The following ACTR3C variants were observed in gnomAD, a reference collection of about 807,000 sequenced individuals.
ACTR3C encodes the protein actin-related protein 3C.
Under a neutral mutation model 26.3 loss-of-function variants are expected in ACTR3C, and 18 were observed. That is an observed-to-expected ratio of 0.68 (90% CI 0.47 to 1.01). ACTR3C has a LOEUF of 1.01. Among genes scored for constraint, ACTR3C ranks in the 50% least tolerant of loss-of-function variants. The pLI is 0.00. For synonymous variants in ACTR3C, 55 were observed against 94.5 expected (o/e 0.58, Z 2.42); for missense variants, 184 against 250.7 (o/e 0.73, Z 1.80).
Position 150,250,427 on chromosome 7 carries a change from C to T in ACTR3C, c.565-1373G>A, listed in dbSNP as rs1227903054. ...ACCGTGTTAGCCAGGATGGTCTTGACCTCCTGACCTCGTGATCCGCCCGCC... is the reference window on the plus strand; with the variant it reads ...ACCGTGTTAGCCAGGATGGTCTTGATCTCCTGACCTCGTGATCCGCCCGCC... On this transcript the variant is annotated intron_variant, in intron 6 of 7. Coordinates refer to ENST00000683684, the MANE Select transcript of ACTR3C (RefSeq NM_001164458.2). Among the ~76,000 whole-genome samples, 44 of 151,354 alleles carry T rather than the reference C, an allele frequency of 2.9e-4. No individual in the cohort carries two copies. The South Asian group carries it at 5.9e-3, about 20-fold the overall frequency.
the ACTR3C span, among the ~76,000 whole-genome samples, chr7:150,083,492 A>C: frequency 3.3e-5 from 5 of 152,088 alleles, no homozygotes; most frequent in African/African-American, 9.7e-5. Context: ...ACTTGCGTTT[A>C]GGAGGTTGAG....
intron 1 of ACTR3C, among the ~76,000 whole-genome samples, chr7:150,313,325 G>C (rs1403778203): frequency 6.6e-6 from 1 of 152,144 alleles, no homozygotes; most frequent in Admixed American, 6.5e-5. Flanking sequence ...GGGTGGGTGG[G>C]GGTGTTCCAG....
At chr7:150,040,694 C>T in the ACTR3C span, 1 of 146,556 alleles carries the variant, frequency 6.8e-6, no homozygotes, top group Non-Finnish European at 1.5e-5. Context: ...TTCTTGAACA[C>T]CTCATACCCA....
At chr7:150,117,773 C>T in the ACTR3C span, among the ~76,000 whole-genome samples, 11 of 152,352 alleles carry the variant, frequency 7.2e-5, no homozygotes, top group South Asian at 6.2e-4. Context: ...CCCTCACCTC[C>T]GTACCTCCTG....
At chr7:149,939,498 A>T in the ACTR3C span, among the ~76,000 whole-genome samples, 1 of 152,228 alleles carries the variant, frequency 6.6e-6, no homozygotes, top group African/African-American at 2.4e-5. Flanking sequence ...TGAAAAGCAA[A>T]CACGAAGCAC....
chr7:150,034,881 G>A, the ACTR3C span, among the ~76,000 whole-genome samples: 19 of 147,554 alleles, frequency 1.3e-4, no homozygotes, highest in East Asian at 8.2e-4. Flanking sequence ...CTGGCTCTCA[G>A]TCCCTACCTC....
At chr7:150,035,696 TG>T in the ACTR3C span, among the ~76,000 whole-genome samples, 12 of 125,572 alleles carry the variant, frequency 9.6e-5, 2 homozygotes, top group Non-Finnish European at 1.9e-4. Flanking sequence ...GGATCAGCGA[TG>T]GGGGTCCTAA....
At chr7:150,309,987 G>A (rs1009843054) in intron 1 of ACTR3C, among the ~76,000 whole-genome samples, 1 of 152,102 alleles carries the variant, frequency 6.6e-6, no homozygotes, top group African/African-American at 2.4e-5. Context: ...TGCCCCCATA[G>A]CTGTTGTGGG....
the ACTR3C span, among the ~76,000 whole-genome samples, chr7:150,113,221 G>A: frequency 6.8e-6 from 1 of 147,056 alleles, no homozygotes; most frequent in African/African-American, 2.5e-5. Flanking sequence ...AATGGAATGA[G>A]ACTGACATTT....
At chr7:150,320,363 G>C (rs1797377174) in intron 1 of ACTR3C, among the ~76,000 whole-genome samples, 1 of 152,258 alleles carries the variant, frequency 6.6e-6, no homozygotes, top group African/African-American at 2.4e-5. Context: ...CTTGTGATCG[G>C]CTTGTGACAG....
the ACTR3C span, among the ~76,000 whole-genome samples, chr7:149,908,851 G>A: frequency 2.7e-5 from 4 of 150,620 alleles, no homozygotes; most frequent in South Asian, 2.1e-4. Context: ...GCACGATCCC[G>A]GCTCACTGCA....
At chr7:149,942,339 T>C in the ACTR3C span, among the ~76,000 whole-genome samples, 27 of 152,146 alleles carry the variant, frequency 1.8e-4, 1 homozygote, top group South Asian at 5.6e-3. Context: ...TTTTGTTCTG[T>C]AAACTTCAAA....
chr7:149,940,515 G>T, the ACTR3C span, among the ~76,000 whole-genome samples: 1 of 151,998 alleles, frequency 6.6e-6, no homozygotes, highest in Non-Finnish European at 1.5e-5. Context: ...TTGGGAGAGG[G>T]TATATTAATG....
the ACTR3C span, among the ~76,000 whole-genome samples, chr7:150,095,549 A>G: frequency 6.7e-6 from 1 of 150,360 alleles, no homozygotes; most frequent in Non-Finnish European, 1.5e-5. Context: ...TTGACAGTGT[A>G]TATACCCTTG....
chr7:150,217,060 GTGAAGT>G, the ACTR3C span, among the ~76,000 whole-genome samples: 1 of 147,056 alleles, frequency 6.8e-6, no homozygotes, highest in South Asian at 2.1e-4. Context: ...GGGTTTTAAA[GTGAAGT>G]CGCCTTGTCC....
chr7:150,215,066 CT>C, the ACTR3C span, among the ~76,000 whole-genome samples: 5 of 149,480 alleles, frequency 3.3e-5, no homozygotes, highest in Admixed American at 6.6e-5. Context: ...CTGATTAATC[CT>C]TTTTTTTAAT....
the ACTR3C span, among the ~76,000 whole-genome samples, chr7:150,009,057 C>T: frequency 1.3e-5 from 2 of 152,268 alleles, no homozygotes; most frequent in Admixed American, 1.3e-4. Context: ...GCAGCTACTG[C>T]AGCCCAAGCC....
chr7:150,036,894 C>A, the ACTR3C span, among the ~76,000 whole-genome samples: 4 of 108,370 alleles, frequency 3.7e-5, 1 homozygote, highest in Non-Finnish European at 6.3e-5. Context: ...TCTCAGTCCC[C>A]GCCTCGCGGG....
the ACTR3C span, among the ~76,000 whole-genome samples, chr7:150,040,930 G>T: frequency 0.41 from 61,109 of 149,474 alleles, 14,265 homozygotes; most frequent in East Asian, 0.68. Context: ...TTTGCTTCTT[G>T]TACTAGCAGG....
Sources: gnomAD v4.1 joint callset for allele counts (sites outside exome capture counted in the v4.1 genomes callset) on GRCh38, gnomAD v4.1.1 for gene constraint, MANE v1.5 for transcripts, NCBI Gene and HGNC (gene_info 2026-07-23, HGNC 2026-07-21) for gene names.